The following GNAQ variants were observed in gnomAD, a reference collection of about 807,000 sequenced individuals.
GNAQ encodes guanine nucleotide-binding protein G(q) subunit alpha.
In GNAQ, 8 loss-of-function variants were observed where a neutral mutation model predicts 43.9. The observed-to-expected ratio is 0.18, with a 90% CI of 0.11 to 0.33. GNAQ has a LOEUF of 0.33. GNAQ is among the 10% of genes least tolerant of loss of function. The pLI is 1.00. For synonymous variants in GNAQ, 155 were observed against 170.7 expected (o/e 0.91, Z 0.71); for missense variants, 158 against 450.8 (o/e 0.35, Z 5.88).
intron 5 of GNAQ, among the ~76,000 whole-genome samples, chr9:77,765,359 A>G (rs888929961): frequency 6.6e-6 from 1 of 152,214 alleles, no homozygotes; most frequent in Non-Finnish European, 1.5e-5. Context: ...TGAAAGTTAC[A>G]TATCTGATAA....
chr9:78,003,117 T>C (rs1823663555), intron 1 of GNAQ, among the ~76,000 whole-genome samples: 1 of 152,222 alleles, frequency 6.6e-6, no homozygotes, highest in South Asian at 2.1e-4. Context: ...AGTTAAAAGA[T>C]TTGTTTTAGC....
At chr9:77,743,651 A>C (rs1478896275) in intron 5 of GNAQ, among the ~76,000 whole-genome samples, 1 of 116,528 alleles carries the variant, frequency 8.6e-6, no homozygotes. Context: ...GGATTGGCTG[A>C]TCTTTTTTTT....
At chr9:77,979,375 T>C (rs1045679915) in intron 1 of GNAQ, among the ~76,000 whole-genome samples, 2 of 150,262 alleles carry the variant, frequency 1.3e-5, no homozygotes, top group African/African-American at 4.9e-5. Context: ...AAAAATTAAA[T>C]TAAATTAAAT....
chr9:77,830,809 C>T (rs1827285909), intron 2 of GNAQ, among the ~76,000 whole-genome samples: 1 of 149,704 alleles, frequency 6.7e-6, no homozygotes, highest in Non-Finnish European at 1.5e-5. Flanking sequence ...TATGATTTTG[C>T]TGTCAAAACC....
chr9:77,753,600 AG>A (rs1825852070), intron 5 of GNAQ, among the ~76,000 whole-genome samples: 1 of 152,220 alleles, frequency 6.6e-6, no homozygotes, highest in Non-Finnish European at 1.5e-5. Flanking sequence ...AAGAATCCTT[AG>A]GCATGTGTTG....
At chr9:77,921,566 G>A (rs910580010) in intron 2 of GNAQ, among the ~76,000 whole-genome samples, 5 of 152,070 alleles carry the variant, frequency 3.3e-5, no homozygotes, top group African/African-American at 1.2e-4. Flanking sequence ...ATAATTTTAG[G>A]GTTTATTCCC....
intron 5 of GNAQ, among the ~76,000 whole-genome samples, chr9:77,745,124 T>C (rs1825709798): frequency 6.6e-6 from 1 of 152,164 alleles, no homozygotes; most frequent in African/African-American, 2.4e-5. Context: ...AGGACTGAAC[T>C]GGTTCAGTTC....
At chr9:77,836,900 G>T (rs1244493517) in intron 2 of GNAQ, among the ~76,000 whole-genome samples, 2 of 152,146 alleles carry the variant, frequency 1.3e-5, no homozygotes, top group Admixed American at 6.5e-5. Context: ...AGTAGAGATA[G>T]GACATAAAAG....
intron 5 of GNAQ, among the ~76,000 whole-genome samples, chr9:77,769,304 A>G (rs1305960258): frequency 1.3e-5 from 2 of 151,636 alleles, no homozygotes; most frequent in Non-Finnish European, 2.9e-5. Context: ...TGGGAGGCTG[A>G]GGTGGGAGGA....
chr9:77,922,953 A>C (rs970294945), intron 1 of GNAQ, among the ~76,000 whole-genome samples: 3 of 151,974 alleles, frequency 2.0e-5, no homozygotes, highest in Non-Finnish European at 4.4e-5. Flanking sequence ...GAGTCTCTTG[A>C]TCCTCCCACC....
chr9:77,964,178 A>C (rs1242994540), intron 1 of GNAQ, among the ~76,000 whole-genome samples: 1 of 152,222 alleles, frequency 6.6e-6, no homozygotes, highest in East Asian at 1.9e-4. Flanking sequence ...AAATAAAAAC[A>C]ATCATTTCAT....
At chr9:77,795,003 T>TA (rs1341714784) in intron 4 of GNAQ, among the ~76,000 whole-genome samples, 1 of 152,200 alleles carries the variant, frequency 6.6e-6, no homozygotes, top group Non-Finnish European at 1.5e-5. Flanking sequence ...ATGTATTTCT[T>TA]ATGGATGCTA....
chr9:77,901,598 T>A (rs1828618030), intron 2 of GNAQ, among the ~76,000 whole-genome samples: 1 of 152,124 alleles, frequency 6.6e-6, no homozygotes, highest in Non-Finnish European at 1.5e-5. Flanking sequence ...GTCTGTGCCC[T>A]CACAAAATGG....
intron 1 of GNAQ, among the ~76,000 whole-genome samples, chr9:77,951,055 A>G (rs1767737779): frequency 6.7e-6 from 1 of 148,620 alleles, no homozygotes; most frequent in Non-Finnish European, 1.5e-5. Flanking sequence ...TTTAGGGCAC[A>G]TTTATAAAAT....
intron 1 of GNAQ, among the ~76,000 whole-genome samples, chr9:77,986,227 A>G (rs1225743595): frequency 3.3e-5 from 5 of 152,164 alleles, no homozygotes; most frequent in Non-Finnish European, 1.5e-5. Flanking sequence ...CATCCAACAG[A>G]ATCCTGTTGC....
In GNAQ at chr9:77,720,751, G is replaced by C. The variant is rs543103476; in HGVS notation, c.*572C>G. On this transcript the variant is annotated 3_prime_UTR_variant, in exon 7 of 7. Transcript: ENST00000286548. The stretch of plus-strand genomic sequence containing the variant: ...AAAAGAAACTATGTGTGTATCCAAA[G>C]CAACACATTTAAAACCGTAAGTATT... The C allele has an allele frequency of 4.3e-6, 1 of 233,464 alleles. No homozygotes were observed. The highest frequency in any genetic ancestry group is 2.2e-5 in the African/African-American group (1 of 45,452). The allele number at this position is 233,464 out of a possible 1,614,324, so 14.5% of individuals were successfully genotyped here.
At chr9:77,836,181 T>C (rs74537148) in intron 2 of GNAQ, among the ~76,000 whole-genome samples, 1,863 of 149,100 alleles carry the variant, frequency 0.012, 37 homozygotes, top group African/African-American at 0.042. Flanking sequence ...CCTTCTCCTA[T>C]TTTTTTTTTC....
chr9:77,979,744 C>T (rs1823346703), intron 1 of GNAQ, among the ~76,000 whole-genome samples: 1 of 152,128 alleles, frequency 6.6e-6, no homozygotes, highest in Admixed American at 6.5e-5. Flanking sequence ...AACATATATG[C>T]CTCACAATTA....
intron 1 of GNAQ, among the ~76,000 whole-genome samples, chr9:78,010,124 G>A (rs150646447): frequency 5.9e-5 from 9 of 152,262 alleles, no homozygotes; most frequent in Admixed American, 5.9e-4. Flanking sequence ...TCAAGTGCTG[G>A]GTTTCATTAC....
Sources: allele counts gnomAD v4.1 joint callset (sites outside exome capture counted in the v4.1 genomes callset), GRCh38; gene constraint gnomAD v4.1.1; transcripts MANE v1.5; gene names NCBI Gene and HGNC (gene_info 2026-07-23, HGNC 2026-07-21).